The following CAMTA1 variants were observed in gnomAD, a reference collection of about 807,000 sequenced individuals.
CAMTA1 encodes the protein calmodulin binding transcription activator 1, also known as calmodulin-binding transcription activator 1.
Under a neutral mutation model 170.9 loss-of-function variants are expected in CAMTA1, and 27 were observed. The observed-to-expected ratio is 0.16, with a 90% CI of 0.12 to 0.22. The LOEUF is 0.22. Ranked by LOEUF, CAMTA1 falls within the 10% of genes least tolerant of loss-of-function variation. The pLI is 1.00. For missense variants in CAMTA1, 1,619 were observed against 2,217.2 expected (o/e 0.73, Z 5.42); for synonymous variants, 833 against 891.5 (o/e 0.93, Z 1.17).
chr1:7,447,618 C>G (rs2092712785), intron 5 of CAMTA1, among the ~76,000 whole-genome samples: 1 of 152,186 alleles, frequency 6.6e-6, no homozygotes, highest in Non-Finnish European at 1.5e-5. Context: ...CTCCCTGGGG[C>G]TCAGGACTCA....
chr1:7,002,381 C>A (rs1035978548), intron 3 of CAMTA1, among the ~76,000 whole-genome samples: 1 of 152,124 alleles, frequency 6.6e-6, no homozygotes, highest in African/African-American at 2.4e-5. Context: ...TGGGAAAGTG[C>A]TTTGAAAGCC....
intron 3 of CAMTA1, among the ~76,000 whole-genome samples, chr1:7,011,675 C>G (rs6686954): frequency 6.6e-6 from 1 of 152,150 alleles, no homozygotes; most frequent in Non-Finnish European, 1.5e-5. Flanking sequence ...ATCACAGTTT[C>G]TAGCTATTTT....
intron 6 of CAMTA1, among the ~76,000 whole-genome samples, chr1:7,579,297 C>G (rs2095234739): frequency 6.6e-6 from 1 of 152,246 alleles, no homozygotes; most frequent in Non-Finnish European, 1.5e-5. Context: ...TCTTGCCAGC[C>G]TGGCGAGGCT....
intron 5 of CAMTA1, among the ~76,000 whole-genome samples, chr1:7,275,478 A>G (rs999837047): frequency 2.0e-5 from 3 of 152,064 alleles, no homozygotes; most frequent in Non-Finnish European, 4.4e-5. Context: ...ACAAAAAGCT[A>G]TCTCTCTTCA....
intron 3 of CAMTA1, among the ~76,000 whole-genome samples, chr1:7,082,206 G>A (rs1016754252): frequency 1.3e-5 from 2 of 152,174 alleles, no homozygotes; most frequent in African/African-American, 2.4e-5. Flanking sequence ...GGGAGGCTGA[G>A]GTGGGTGGAT....
chr1:6,938,096 T>A (rs1356981509), intron 3 of CAMTA1, among the ~76,000 whole-genome samples: 1 of 152,256 alleles, frequency 6.6e-6, no homozygotes, highest in Non-Finnish European at 1.5e-5. Context: ...TCCACTCTCA[T>A]AGCCATACCT....
At chr1:7,752,436 C>G in intron 20 of CAMTA1, 23 bp from the exon 21 acceptor site, 2 of 1,608,302 alleles carry the variant, frequency 1.2e-6, no homozygotes, top group Non-Finnish European at 1.7e-6. Flanking sequence ...CTTCTTGTGA[C>G]AATAATATTC....
intron 2 of CAMTA1, among the ~76,000 whole-genome samples, chr1:6,823,855 G>A (rs1401837545): frequency 6.6e-6 from 1 of 152,144 alleles, no homozygotes; most frequent in Non-Finnish European, 1.5e-5. Context: ...GTATACTTAT[G>A]TAAGGTTGCT....
At chr1:7,425,603 G>A (rs2091836148) in intron 5 of CAMTA1, among the ~76,000 whole-genome samples, 1 of 152,018 alleles carries the variant, frequency 6.6e-6, no homozygotes, top group African/African-American at 2.4e-5. Context: ...GGCACTTCTT[G>A]CTGTCAGAGG....
chr1:7,154,764 G>A (rs1017802106), intron 4 of CAMTA1, among the ~76,000 whole-genome samples: 5 of 152,236 alleles, frequency 3.3e-5, no homozygotes, highest in African/African-American at 4.8e-5. Context: ...TCAAGGGCTT[G>A]TGGGCAGTCT....
intron 5 of CAMTA1, among the ~76,000 whole-genome samples, chr1:7,408,837 C>T (rs1441534049): frequency 6.6e-6 from 1 of 152,200 alleles, no homozygotes; most frequent in Non-Finnish European, 1.5e-5. Flanking sequence ...AAGTCTGGCA[C>T]TCATTGGCAG....
intron 3 of CAMTA1, among the ~76,000 whole-genome samples, chr1:6,838,694 G>C (rs551143881): frequency 6.6e-6 from 1 of 152,094 alleles, no homozygotes; most frequent in South Asian, 2.1e-4. Flanking sequence ...CTATAACCTG[G>C]CTTTTCTCTT....
Position 7,664,050 on chromosome 1 carries a change from A to C in CAMTA1, c.1503A>C (p.Gly501=), listed in dbSNP as rs773344771. Residue 501 remains glycine, a synonymous_variant, in exon 9 of 23, where the codon GGA becomes GGC. Coordinates refer to ENST00000303635, the MANE Select transcript of CAMTA1 (RefSeq NM_015215.4). ...AGCAGGGCCAGACGTACGGGGGTGG[A>C]GGCCTGAAAGCCGAGATGGTCAGCT... ...NPKQGQTYGG[G]GLKAEMVSSN... 2.5e-6 allele frequency: 4 copies of C among 1,613,854 alleles called. No homozygotes were observed. Among genetic ancestry groups the C allele is most frequent in the Non-Finnish European group, 8.5e-7 (1 of 1,180,046 alleles).
intron 6 of CAMTA1, among the ~76,000 whole-genome samples, chr1:7,495,374 G>A (rs896422359): frequency 1.3e-5 from 2 of 152,200 alleles, no homozygotes; most frequent in South Asian, 4.1e-4. Flanking sequence ...AGTTTGGGAT[G>A]TGGGTGAGCG....
At chr1:7,045,910 T>C (rs1239121556) in intron 3 of CAMTA1, among the ~76,000 whole-genome samples, 3 of 152,238 alleles carry the variant, frequency 2.0e-5, no homozygotes, top group African/African-American at 7.2e-5. Flanking sequence ...GTAATGTTAA[T>C]AAGGGCATTT....
At chr1:7,001,432 T>G (rs1698193323) in intron 3 of CAMTA1, among the ~76,000 whole-genome samples, 1 of 152,250 alleles carries the variant, frequency 6.6e-6, no homozygotes. Context: ...CTGCTATTTC[T>G]GCAATAGTAT....
intron 6 of CAMTA1, among the ~76,000 whole-genome samples, chr1:7,520,103 C>G (rs1413424152): frequency 6.8e-6 from 1 of 148,148 alleles, no homozygotes; most frequent in Non-Finnish European, 1.5e-5. Context: ...CACCAGCCCC[C>G]CAACTCATTT....
chr1:6,959,450 A>C (rs1276865384), intron 3 of CAMTA1, among the ~76,000 whole-genome samples: 1 of 152,172 alleles, frequency 6.6e-6, no homozygotes, highest in Non-Finnish European at 1.5e-5. Flanking sequence ...GGCGACTGGT[A>C]ATCAGATTGT....
intron 6 of CAMTA1, among the ~76,000 whole-genome samples, chr1:7,577,267 G>T (rs1418394175): frequency 6.6e-6 from 1 of 152,186 alleles, no homozygotes; most frequent in African/African-American, 2.4e-5. Flanking sequence ...AACTCATCTG[G>T]TGTGTAGAAC....
Sources: gnomAD v4.1 joint callset for allele counts (sites outside exome capture counted in the v4.1 genomes callset) on GRCh38, gnomAD v4.1.1 for gene constraint, MANE v1.5 for transcripts, NCBI Gene and HGNC (gene_info 2026-07-23, HGNC 2026-07-21) for gene names.